DOCK2: variants seen among roughly 807,000 people sequenced by gnomAD.
DOCK2 encodes dedicator of cytokinesis 2.
DOCK2 carries 87 observed loss-of-function variants against 248.9 expected under a neutral mutation model. That is an observed-to-expected ratio of 0.35 (90% CI 0.29 to 0.42). The LOEUF is 0.42. Ranked by LOEUF, DOCK2 falls within the 10% of genes least tolerant of loss-of-function variation. The pLI, the probability that DOCK2 is intolerant of heterozygous loss-of-function variation, is 1.00. For synonymous variants in DOCK2, 805 were observed against 821.6 expected (o/e 0.98, Z 0.35); for missense variants, 1,747 against 2,300.2 (o/e 0.76, Z 4.92).
At chr5:169,673,534 A>G (rs1307758887) in intron 5 of DOCK2, among the ~76,000 whole-genome samples, 1 of 152,088 alleles carries the variant, frequency 6.6e-6, no homozygotes, top group Non-Finnish European at 1.5e-5. Flanking sequence ...ATAAAAAAAA[A>G]TTTAGAGACA....
At chr5:169,646,904 A>G (rs1757501458) in intron 1 of DOCK2, among the ~76,000 whole-genome samples, 2 of 152,252 alleles carry the variant, frequency 1.3e-5, no homozygotes, top group South Asian at 4.1e-4. Flanking sequence ...CAGTCTGTTC[A>G]GATCAATTAA....
chr5:170,067,670 T>G lies in DOCK2; in HGVS notation c.4628T>G (p.Phe1543Cys), dbSNP rs1757540693. The G allele has an allele frequency of 1.9e-6, 3 of 1,614,120 alleles. No individual in the cohort carries two copies. The highest frequency in any genetic ancestry group is 8.5e-7 in the Non-Finnish European group (1 of 1,179,976). Residue 1543 changes from phenylalanine to cysteine, a missense_variant, in exon 45 of 52, where the codon TTC (phenylalanine) becomes TGC (cysteine). Physicochemically the swap from Phe to Cys is radical, Grantham distance 205. Around this residue, in one of 4 missense-constraint regions of DOCK2, gnomAD observed 513 missense variants for 586.1 expected, o/e 0.88. Coordinates refer to ENST00000520908, the MANE Select transcript of DOCK2 (RefSeq NM_004946.3). Reference sequence around the variant, plus strand: ...GTGGACCCTGCTGTCATGGGAGGCTTCGCCAAGTATGAGAAGGTGAGGATT... The same window carrying G: ...GTGGACCCTGCTGTCATGGGAGGCTGCGCCAAGTATGAGAAGGTGAGGATT... ...GIVDPAVMGG[F>C]AKYEKAFFTE...
At chr5:169,843,838 G>A (rs1561756549) in intron 27 of DOCK2, among the ~76,000 whole-genome samples, 1 of 152,114 alleles carries the variant, frequency 6.6e-6, no homozygotes, top group Non-Finnish European at 1.5e-5. Flanking sequence ...TCTTTCCTTA[G>A]CATAATGTTT....
intron 25 of DOCK2, among the ~76,000 whole-genome samples, chr5:169,767,042 C>T (rs766505353): frequency 1.3e-5 from 2 of 152,202 alleles, no homozygotes; most frequent in Non-Finnish European, 2.9e-5. Flanking sequence ...GGGCATGGGC[C>T]ACTGCGCTTG....
chr5:170,008,403 T>G, intron 30 of DOCK2, 94 bp from the exon 31 acceptor site: 1 of 1,325,124 alleles, frequency 7.5e-7, no homozygotes, highest in South Asian at 1.2e-5. Flanking sequence ...GCCTCTGTCT[T>G]CTGCCATCTT....
intron 27 of DOCK2, among the ~76,000 whole-genome samples, chr5:169,978,259 G>A (rs960048890): frequency 4.6e-5 from 7 of 151,866 alleles, no homozygotes; most frequent in African/African-American, 1.7e-4. Context: ...AGGGTTGCAT[G>A]GGCAGGCAGC....
In DOCK2 at chr5:170,021,946, A is replaced by AGTGTGCAAAGTGGTGTGCAAG. The variant is rs1303434999; in HGVS notation, c.3381+2838_3381+2839insGTGTGCAAAGTGGTGTGCAAG. On this transcript the variant is annotated intron_variant, in intron 33 of 51. Transcript: ENST00000520908. The stretch of plus-strand genomic sequence containing the variant: ...GTGTGCAAAGTGGCATTAGTACATG[A>AGTGTGCAAAGTGGTGTGCAAG]TGCCAAAATAATCCCATGAGAGAAG... 5.3e-5 allele frequency among the ~76,000 whole-genome samples: 8 copies of AGTGTGCAAAGTGGTGTGCAAG among 152,160 alleles called. 1 individual carries two copies. The East Asian group carries it at 1.6e-3, about 29-fold the overall frequency.
intron 27 of DOCK2, chr5:169,882,770 T>C: frequency 6.4e-7 from 1 of 1,551,726 alleles, no homozygotes; most frequent in East Asian, 2.4e-5. Context: ...GGGAGATGAT[T>C]ACTTCCTGGA....
chr5:169,982,068 CT>C (rs59193932), intron 27 of DOCK2, among the ~76,000 whole-genome samples: 840 of 126,060 alleles, frequency 6.7e-3, no homozygotes, highest in Middle Eastern at 0.013. Context: ...GGTAAAAATG[CT>C]TTTTTTTTTT....
At chr5:169,690,144 G>A (rs900699781) in intron 9 of DOCK2, among the ~76,000 whole-genome samples, 62 of 150,840 alleles carry the variant, frequency 4.1e-4, no homozygotes, top group African/African-American at 1.5e-3. Context: ...AGAATCTCAA[G>A]TGATTCTCCT....
chr5:169,686,925 C>A (rs1277148356), intron 8 of DOCK2, among the ~76,000 whole-genome samples: 1 of 152,088 alleles, frequency 6.6e-6, no homozygotes, highest in African/African-American at 2.4e-5. Context: ...GAATAGTACT[C>A]CTCGTTCCTC....
chr5:170,044,855 T>C (rs998314480), intron 38 of DOCK2, among the ~76,000 whole-genome samples: 1 of 152,134 alleles, frequency 6.6e-6, no homozygotes, highest in Non-Finnish European at 1.5e-5. Context: ...TAGGTGCATT[T>C]TCCATTTTAA....
intron 27 of DOCK2, among the ~76,000 whole-genome samples, chr5:169,931,496 G>T (rs1775751980): frequency 6.6e-6 from 1 of 152,240 alleles, no homozygotes; most frequent in South Asian, 2.1e-4. Flanking sequence ...ATTAGATGTG[G>T]TTATTTTATG....
At chr5:170,054,307 T>C (rs933128991) in intron 41 of DOCK2, among the ~76,000 whole-genome samples, 1 of 152,084 alleles carries the variant, frequency 6.6e-6, no homozygotes, top group African/African-American at 2.4e-5. Flanking sequence ...AGGAAAGACC[T>C]TGAATACCTA....
chr5:169,812,332 G>C (rs181228607), intron 26 of DOCK2, among the ~76,000 whole-genome samples: 1 of 152,282 alleles, frequency 6.6e-6, no homozygotes, highest in African/African-American at 2.4e-5. Flanking sequence ...ATCTGTCACT[G>C]TCTCCTATCC....
chr5:170,078,505 A>G (rs940927144), intron 48 of DOCK2, among the ~76,000 whole-genome samples: 2 of 152,174 alleles, frequency 1.3e-5, no homozygotes, highest in Admixed American at 1.3e-4. Flanking sequence ...CCCAGCACTT[A>G]CCATATGCCA....
chr5:169,881,148 T>C (rs1772621000), intron 27 of DOCK2, among the ~76,000 whole-genome samples: 1 of 152,176 alleles, frequency 6.6e-6, no homozygotes, highest in African/African-American at 2.4e-5. Context: ...GCACTTAGTG[T>C]TTGATAAGCC....
intron 26 of DOCK2, among the ~76,000 whole-genome samples, chr5:169,834,792 G>A (rs369626400): frequency 6.6e-6 from 1 of 152,216 alleles, no homozygotes; most frequent in African/African-American, 2.4e-5. Context: ...ACAATGAAAT[G>A]AGAACATAGC....
chr5:169,704,969 C>T (rs1230881383), intron 14 of DOCK2, among the ~76,000 whole-genome samples: 4 of 152,156 alleles, frequency 2.6e-5, no homozygotes, highest in African/African-American at 9.7e-5. Context: ...TGAGACCAGC[C>T]TGGCCAAGAA....
Sources: gnomAD v4.1 joint callset for allele counts (sites outside exome capture counted in the v4.1 genomes callset) on GRCh38, gnomAD v4.1.1 for gene constraint, gnomAD v4.1.1 regional missense constraint, MANE v1.5 for transcripts, NCBI Gene and HGNC (gene_info 2026-07-23, HGNC 2026-07-21) for gene names.